Variants in PTPRG observed in about 807,000 individuals in gnomAD.
PTPRG encodes receptor-type tyrosine-protein phosphatase gamma.
PTPRG carries 102 observed loss-of-function variants against 165.3 expected under a neutral mutation model. The observed-to-expected ratio is 0.62, with a 90% confidence interval of 0.53 to 0.73. The LOEUF is 0.73. Among genes scored for constraint, PTPRG ranks in the 30% least tolerant of loss-of-function variants. The probability of loss-of-function intolerance (pLI) is 0.00; values close to 1 mark genes in which losing one functional copy is unlikely to be tolerated. For synonymous variants in PTPRG, 675 were observed against 669.5 expected, an observed-to-expected ratio of 1.01 and a Z score of -0.13; for missense variants, 1,866 against 1,861.4, an observed-to-expected ratio of 1.00 and a Z score of -0.05.
In PTPRG at chr3:61,948,599, C is replaced by T. The variant is rs1015511427; in HGVS notation, c.191-41026C>T. On this transcript the variant is annotated intron_variant, in intron 2 of 29. Transcript: ENST00000474889. ...CTACAATAAAAGGCAGAGGGGTTGA[C>T]GGATTCTGTAGTGGGAAAAGTAATC... Among the ~76,000 whole-genome samples, 6 of 152,038 alleles carry T rather than the reference C, an allele frequency of 3.9e-5. No homozygotes were observed. The East Asian group carries it at 9.7e-4, about 25-fold the overall frequency.
At chr3:62,272,831 C>A in intron 21 of PTPRG, 115 bp from the exon 22 acceptor site, 3 of 1,203,826 alleles carry the variant, frequency 2.5e-6, no homozygotes, top group Non-Finnish European at 2.2e-6. Context: ...AGTGAAACTC[C>A]ATCTCATCTC....
intron 1 of PTPRG, among the ~76,000 whole-genome samples, chr3:61,608,464 C>T (rs775196185): frequency 5.9e-5 from 9 of 152,308 alleles, no homozygotes; most frequent in Non-Finnish European, 1.2e-4. Context: ...TCCTTGAAGC[C>T]TGGGAATCTG....
intron 1 of PTPRG, among the ~76,000 whole-genome samples, chr3:61,595,189 T>G (rs1017596527): frequency 2.0e-5 from 3 of 152,098 alleles, no homozygotes; most frequent in East Asian, 1.9e-4. Flanking sequence ...GTGTTTGTTT[T>G]TTTTTTTTTC....
At chr3:62,234,939 C>CG (rs1214746902) in intron 14 of PTPRG, among the ~76,000 whole-genome samples, 1 of 150,982 alleles carries the variant, frequency 6.6e-6, no homozygotes, top group Non-Finnish European at 1.5e-5. Flanking sequence ...ATCTACTTCC[C>CG]CCCCCCGAGA....
intron 17 of PTPRG, among the ~76,000 whole-genome samples, chr3:62,265,902 C>T (rs1223227098): frequency 1.0e-4 from 15 of 149,710 alleles, no homozygotes; most frequent in African/African-American, 3.4e-4. Flanking sequence ...TATATACACA[C>T]ACACACACAC....
intron 1 of PTPRG, among the ~76,000 whole-genome samples, chr3:61,722,976 C>T (rs1188128330): frequency 1.3e-5 from 2 of 151,808 alleles, no homozygotes; most frequent in Non-Finnish European, 1.5e-5. Flanking sequence ...GTGGGTTTCT[C>T]GGGGTGAGCA....
rs139888831 is a variant in PTPRG, at chr3:61,765,884, T to G, written c.190+16902T>G. On this transcript the variant is annotated intron_variant, in intron 2 of 29. Coordinates refer to ENST00000474889, the MANE Select transcript of PTPRG (RefSeq NM_002841.4). Reference sequence around the variant, plus strand: ...ATTTTCCACAGAGCAGATGGCTGTTTGTACTCATTTGTTCCCAAACCCTCT... The same window carrying G: ...ATTTTCCACAGAGCAGATGGCTGTTGGTACTCATTTGTTCCCAAACCCTCT... Among the ~76,000 whole-genome samples the G allele has an allele frequency of 7.9e-5, 12 of 152,320 alleles. No homozygotes were observed. In the East Asian group the frequency reaches 2.3e-3, roughly 29 times the overall value.
chr3:61,917,926 C>T (rs929786104), intron 2 of PTPRG, among the ~76,000 whole-genome samples: 3 of 152,018 alleles, frequency 2.0e-5, no homozygotes, highest in Non-Finnish European at 2.9e-5. Context: ...GAGCGAAACT[C>T]TGTCTCAAAA....
intron 2 of PTPRG, among the ~76,000 whole-genome samples, chr3:61,803,803 C>T (rs2035329144): frequency 6.6e-6 from 1 of 152,138 alleles, no homozygotes; most frequent in Non-Finnish European, 1.5e-5. Context: ...CATGGGTCTT[C>T]TGGGTCTGTT....
intron 1 of PTPRG, among the ~76,000 whole-genome samples, chr3:61,638,820 GGT>G: frequency 6.6e-6 from 1 of 151,954 alleles, no homozygotes; most frequent in Middle Eastern, 3.4e-3. Context: ...ATTAGATATT[GGT>G]CAGATGCATA....
intron 2 of PTPRG, among the ~76,000 whole-genome samples, chr3:61,849,415 G>A (rs1351333068): frequency 2.0e-5 from 3 of 152,164 alleles, no homozygotes; most frequent in Non-Finnish European, 4.4e-5. Flanking sequence ...GAAAAGATAT[G>A]TGTAGGTGAT....
At chr3:62,259,300 T>G (rs574865592) in intron 16 of PTPRG, among the ~76,000 whole-genome samples, 23 of 152,284 alleles carry the variant, frequency 1.5e-4, no homozygotes, top group South Asian at 4.1e-4. Flanking sequence ...AATGAGCCTG[T>G]AGGCAGGGCT....
chr3:62,149,400 A>G (rs957256005), intron 6 of PTPRG, among the ~76,000 whole-genome samples: 1 of 151,564 alleles, frequency 6.6e-6, no homozygotes, highest in African/African-American at 2.4e-5. Context: ...CAGCCTCCCA[A>G]CAAGCTGGGA....
At chr3:61,824,569 C>T (rs1468775155) in intron 2 of PTPRG, among the ~76,000 whole-genome samples, 1 of 152,210 alleles carries the variant, frequency 6.6e-6, no homozygotes, top group Non-Finnish European at 1.5e-5. Flanking sequence ...GTGGCTCACG[C>T]CTGTAATCCC....
At chr3:62,048,464 A>G (rs563146180) in intron 4 of PTPRG, among the ~76,000 whole-genome samples, 19 of 152,370 alleles carry the variant, frequency 1.2e-4, no homozygotes, top group African/African-American at 4.6e-4. Flanking sequence ...TAGAAAGTAA[A>G]TCCTTCTGTC....
intron 5 of PTPRG, among the ~76,000 whole-genome samples, chr3:62,086,747 A>C (rs528631540): frequency 6.6e-6 from 1 of 152,298 alleles, no homozygotes; most frequent in South Asian, 2.1e-4. Flanking sequence ...TTAACAGCTA[A>C]TTGATTTCAT....
At chr3:61,587,645 TTTATC>T (rs1377697944) in intron 1 of PTPRG, among the ~76,000 whole-genome samples, 1 of 152,102 alleles carries the variant, frequency 6.6e-6, no homozygotes, top group African/African-American at 2.4e-5. Flanking sequence ...AGTTTTTCAT[TTTATC>T]TTATTTTATT....
chr3:61,611,757 G>C (rs2106874236), intron 1 of PTPRG, among the ~76,000 whole-genome samples: 1 of 152,060 alleles, frequency 6.6e-6, no homozygotes, highest in South Asian at 2.1e-4. Flanking sequence ...TCAATGAATG[G>C]GTATGGTAGT....
chr3:61,904,277 G>GT (rs1447344662), intron 2 of PTPRG, among the ~76,000 whole-genome samples: 4 of 152,092 alleles, frequency 2.6e-5, no homozygotes, highest in South Asian at 4.1e-4. Context: ...AAGGAGCTGG[G>GT]TTTTTTTCTC....
Sources: gnomAD v4.1 joint callset for allele counts (sites outside exome capture counted in the v4.1 genomes callset) on GRCh38, gnomAD v4.1.1 for gene constraint, MANE v1.5 for transcripts, NCBI Gene and HGNC (gene_info 2026-07-23, HGNC 2026-07-21) for gene names.